Variants in KSR1 observed in about 807,000 individuals in gnomAD.
The protein encoded by KSR1 is kinase suppressor of ras.
A neutral mutation model predicts 92.9 loss-of-function variants in KSR1; 35 were observed. The ratio of observed to expected loss-of-function variants is 0.38; its 90% CI spans 0.29 to 0.50. The LOEUF (loss-of-function observed/expected upper bound fraction) is 0.50, where lower values mean the gene tolerates loss of function less well. KSR1 is among the 20% of genes least tolerant of loss of function. KSR1 has a pLI of 0.94. For synonymous variants in KSR1, 467 were observed against 472.6 expected, an observed-to-expected ratio of 0.99 and a Z score of 0.15; for missense variants, 972 against 1,158.5, an observed-to-expected ratio of 0.84 and a Z score of 2.34.
chr17:27,585,183 G>A (rs2945372), intron 4 of KSR1, among the ~76,000 whole-genome samples: 63,931 of 151,864 alleles, frequency 0.42, 13,608 homozygotes, highest in Non-Finnish European at 0.46. Flanking sequence ...TGATCCACTC[G>A]TGTCAGCCTC....
In KSR1 at chr17:27,526,096, C is replaced by CTTTCTTTCTTTCTT. The variant is rs745956787; in HGVS notation, c.232-24471_232-24470insTTCTTTCTTTCTTT. ...TCTTTCTTTCTTTCTTTCTTTCTTT[C>CTTTCTTTCTTTCTT]TCTCTCTCTCTCTCTCTCTCTCATG... On this transcript the variant is annotated intron_variant, in intron 1 of 20. Transcript: ENST00000644974. Among the ~76,000 whole-genome samples the CTTTCTTTCTTTCTT allele has an allele frequency of 4.4e-3, 498 of 112,532 alleles. 6 individuals are homozygous for CTTTCTTTCTTTCTT. The highest frequency in any genetic ancestry group is 0.018 in the African/African-American group (438 of 24,112). 73.8% of individuals were successfully genotyped at this position (112,532 alleles called of 152,430 possible). A position where few individuals can be genotyped will look rare whatever the true frequency, so the allele number is the denominator to read the frequency against.
At chr17:27,601,303 C>T (rs1287522129) in intron 10 of KSR1, 57 bp from the exon 11 acceptor site, 5 of 1,489,950 alleles carry the variant, frequency 3.4e-6, no homozygotes, top group South Asian at 2.3e-5. Context: ...CAATTCCGCT[C>T]CTCCCTCCTG....
intron 1 of KSR1, among the ~76,000 whole-genome samples, chr17:27,495,138 G>T (rs1472247381): frequency 6.6e-6 from 1 of 152,198 alleles, no homozygotes; most frequent in Non-Finnish European, 1.5e-5. Flanking sequence ...GGAAGCTTGA[G>T]AAATCAGACT....
chr17:27,471,831 G>A (rs1403605366), intron 1 of KSR1, among the ~76,000 whole-genome samples: 1 of 152,238 alleles, frequency 6.6e-6, no homozygotes, highest in Non-Finnish European at 1.5e-5. Context: ...CTGGTGAGGT[G>A]TGAATGAAGG....
intron 1 of KSR1, among the ~76,000 whole-genome samples, chr17:27,547,236 G>T (rs1372809951): frequency 6.6e-6 from 1 of 152,234 alleles, no homozygotes; most frequent in African/African-American, 2.4e-5. Context: ...AAACGCTGAT[G>T]TGGTAGCAGT....
intron 2 of KSR1, among the ~76,000 whole-genome samples, chr17:27,576,379 G>T (rs1303277543): frequency 6.6e-6 from 1 of 152,038 alleles, no homozygotes; most frequent in Non-Finnish European, 1.5e-5. Flanking sequence ...TTAGTAAGTT[G>T]GGCACAGTAA....
At position 27,582,836 on chromosome 17, in the gene KSR1, C is replaced by T. The variant is rs1278939590; in HGVS notation, c.711C>T (p.Asp237=). The T allele has an allele frequency of 1.4e-5, 22 of 1,613,490 alleles. No individual in the cohort carries two copies. Among genetic ancestry groups the T allele is most frequent in the Non-Finnish European group, 1.6e-5 (19 of 1,179,744 alleles). Residue 237 remains aspartate (D), a synonymous_variant, in exon 4 of 21, where the codon GAC becomes GAT. Coordinates refer to ENST00000644974, the MANE Select transcript of KSR1 (RefSeq NM_001394583.1). ...SISVSALPAS[D]SPTPSFSEGL... is the part of the protein sequence containing the mutation. Reference sequence around the variant, plus strand: ...CCGTGTCAGCTCTGCCCGCCTCAGACTCCCCCACCCCCAGCTTCAGTGAGG... The same window carrying T: ...CCGTGTCAGCTCTGCCCGCCTCAGATTCCCCCACCCCCAGCTTCAGTGAGG...
chr17:27,608,272 G>A (rs929499624), intron 15 of KSR1, among the ~76,000 whole-genome samples: 5 of 152,204 alleles, frequency 3.3e-5, no homozygotes, highest in African/African-American at 1.2e-4. Flanking sequence ...TTAGAGGCCA[G>A]TTTCAATCCT....
Position 27,577,455 on chromosome 17 carries a change from G to A in KSR1, c.373-37G>A, listed in dbSNP as rs756898710. ...TGAGGGGCTCCCGGCCCAGCCGACT[G>A]CTCACCGCCTCTCTGCCTGTCCCTC... On this transcript the variant is annotated intron_variant, in intron 2 of 20. Transcript: ENST00000644974. The surrounding 1 kb of genome is among the most constrained non-coding windows in gnomAD (Gnocchi z 4.5). The A allele has an allele frequency of 7.5e-7, 1 of 1,329,248 alleles. No homozygotes were observed. Among genetic ancestry groups the A allele is most frequent in the South Asian group, 1.3e-5 (1 of 79,542 alleles). The allele number at this position is 1,329,248 out of a possible 1,614,324, so 82.3% of individuals were successfully genotyped here.
chr17:27,476,071 A>G (rs1408321656), intron 1 of KSR1, among the ~76,000 whole-genome samples: 1 of 152,168 alleles, frequency 6.6e-6, no homozygotes, highest in East Asian at 1.9e-4. Context: ...TATTAAAGTA[A>G]TGAATATTTG....
chr17:27,497,580 G>T (rs1465283149), intron 1 of KSR1, among the ~76,000 whole-genome samples: 1 of 152,146 alleles, frequency 6.6e-6, no homozygotes, highest in Non-Finnish European at 1.5e-5. Context: ...AGGCAGTGGG[G>T]CCCCAAATAT....
At chr17:27,517,294 A>G (rs1466626602) in intron 1 of KSR1, among the ~76,000 whole-genome samples, 1 of 152,094 alleles carries the variant, frequency 6.6e-6, no homozygotes. Flanking sequence ...GTTTCTATTG[A>G]TTCCAGGTCT....
At chr17:27,542,647 C>T (rs2071008008) in intron 1 of KSR1, among the ~76,000 whole-genome samples, 1 of 152,072 alleles carries the variant, frequency 6.6e-6, no homozygotes, top group African/African-American at 2.4e-5. Context: ...TGCAAAAAAG[C>T]CTGGGTGGGG....
chr17:27,461,688 G>A (rs2019446247), intron 1 of KSR1, among the ~76,000 whole-genome samples: 1 of 152,258 alleles, frequency 6.6e-6, no homozygotes, highest in Non-Finnish European at 1.5e-5. Flanking sequence ...CAGTGGCTGT[G>A]AGCCTGGGGA....
chr17:27,605,295 G>A (rs1320760960), intron 13 of KSR1, 139 bp from the exon 14 acceptor site: 3 of 1,099,774 alleles, frequency 2.7e-6, no homozygotes, highest in Non-Finnish European at 2.6e-6. Flanking sequence ...GCAGGCCAGT[G>A]CAGAGCTGCA....
intron 3 of KSR1, chr17:27,579,359 T>C (rs949867124): frequency 1.3e-5 from 2 of 152,256 alleles, no homozygotes; most frequent in Non-Finnish European, 2.9e-5. Flanking sequence ...TTAGAACCTG[T>C]GGGACCTTGG....
intron 2 of KSR1, among the ~76,000 whole-genome samples, chr17:27,576,302 A>G (rs2072503692): frequency 6.6e-6 from 1 of 152,178 alleles, no homozygotes; most frequent in African/African-American, 2.4e-5. Context: ...AACCATGGAT[A>G]GTACTGAATA....
At chr17:27,526,404 G>A in intron 1 of KSR1, 1 of 1,515,410 alleles carries the variant, frequency 6.6e-7, no homozygotes, top group Non-Finnish European at 8.9e-7. Context: ...AATTGGGAAA[G>A]GGCCGGTTAA....
intron 1 of KSR1, among the ~76,000 whole-genome samples, chr17:27,462,018 C>CT (rs1017110751): frequency 1.2e-4 from 19 of 152,092 alleles, no homozygotes; most frequent in Non-Finnish European, 2.1e-4. Flanking sequence ...GTTGAGATCT[C>CT]TTTTTTATGT....
Sources: gnomAD v4.1 joint callset for allele counts (sites outside exome capture counted in the v4.1 genomes callset) on GRCh38, gnomAD v4.1.1 for gene constraint, Gnocchi (gnomAD v3.1) non-coding constraint, MANE v1.5 for transcripts, NCBI Gene and HGNC (gene_info 2026-07-23, HGNC 2026-07-21) for gene names.